The following CAST variants were observed in gnomAD, a reference collection of about 807,000 sequenced individuals.
CAST encodes calpastatin.
A neutral mutation model predicts 119.6 loss-of-function variants in CAST; 76 were observed. The observed-to-expected ratio is 0.64, with a 90% CI of 0.53 to 0.77. The LOEUF (loss-of-function observed/expected upper bound fraction) is 0.77. CAST is among the 30% of genes least tolerant of loss of function. The pLI is 0.00. For synonymous variants in CAST, 319 were observed against 331.6 expected (o/e 0.96, Z 0.41); for missense variants, 953 against 946.5 (o/e 1.01, Z -0.09).
intron 1 of CAST, among the ~76,000 whole-genome samples, chr5:96,538,738 C>CCA (rs1271772042): frequency 3.3e-5 from 5 of 151,694 alleles, no homozygotes; most frequent in Non-Finnish European, 5.9e-5. Flanking sequence ...TAAGACCCCC[C>CCA]CACACACACA....
At chr5:96,393,871 C>T in the CAST span, among the ~76,000 whole-genome samples, 1 of 152,176 alleles carries the variant, frequency 6.6e-6, no homozygotes, top group Non-Finnish European at 1.5e-5. Flanking sequence ...AGGGGAGAGA[C>T]TGAGGTGCTA....
At chr5:96,365,863 C>G in the CAST span, among the ~76,000 whole-genome samples, 1 of 152,174 alleles carries the variant, frequency 6.6e-6, no homozygotes, top group Non-Finnish European at 1.5e-5. Flanking sequence ...TTGATCCTGT[C>G]ATTATGATGT....
the CAST span, among the ~76,000 whole-genome samples, chr5:96,195,081 G>A: frequency 6.6e-6 from 1 of 152,228 alleles, no homozygotes; most frequent in Non-Finnish European, 1.5e-5. Flanking sequence ...TCCTTGTTAT[G>A]CCAGAGGGCA....
the CAST span, among the ~76,000 whole-genome samples, chr5:96,013,297 A>G: frequency 5.3e-5 from 8 of 151,586 alleles, no homozygotes; most frequent in African/African-American, 1.7e-4. Context: ...ATATATAATG[A>G]TAATATAGAG....
chr5:96,047,188 T>A, the CAST span, among the ~76,000 whole-genome samples: 1 of 152,204 alleles, frequency 6.6e-6, no homozygotes, highest in African/African-American at 2.4e-5. Context: ...AAAACAAATA[T>A]CTTGCAAGCT....
chr5:96,380,801 C>T, the CAST span, among the ~76,000 whole-genome samples: 31 of 152,246 alleles, frequency 2.0e-4, no homozygotes, highest in Non-Finnish European at 1.0e-4. Flanking sequence ...ATATTTGGAA[C>T]ATTTGCATAA....
the CAST span, among the ~76,000 whole-genome samples, chr5:96,235,492 TACA>T: frequency 6.6e-6 from 1 of 152,202 alleles, no homozygotes; most frequent in Non-Finnish European, 1.5e-5. Flanking sequence ...ATTTAGTTCT[TACA>T]ACATGTGAAT....
chr5:96,753,052 G>A (rs572667791), intron 20 of CAST, among the ~76,000 whole-genome samples: 2 of 150,986 alleles, frequency 1.3e-5, no homozygotes, highest in African/African-American at 2.4e-5. Context: ...GGACTGCAAT[G>A]GCATGATCTC....
chr5:96,279,816 A>C, the CAST span, among the ~76,000 whole-genome samples: 1 of 152,260 alleles, frequency 6.6e-6, no homozygotes, highest in East Asian at 1.9e-4. Flanking sequence ...GACATTTAGC[A>C]TGTGGTTTCA....
chr5:96,202,943 G>T, the CAST span, among the ~76,000 whole-genome samples: 12 of 151,776 alleles, frequency 7.9e-5, no homozygotes, highest in Non-Finnish European at 1.2e-4. Context: ...AATTTTTATT[G>T]ATTTTTCTTG....
chr5:96,702,995 T>G (rs1754167974), intron 3 of CAST: 1 of 948,456 alleles, frequency 1.1e-6, no homozygotes, highest in South Asian at 4.9e-5. Context: ...CTACCTGCCC[T>G]GCGTGTCCGG....
At chr5:96,680,778 A>AAT (rs1751314108) in intron 2 of CAST, among the ~76,000 whole-genome samples, 1 of 152,248 alleles carries the variant, frequency 6.6e-6, no homozygotes, top group Non-Finnish European at 1.5e-5. Context: ...AATTTGTGAC[A>AAT]GTGTTCCCAC....
the CAST span, among the ~76,000 whole-genome samples, chr5:96,137,212 A>T: frequency 1.3e-5 from 2 of 152,088 alleles, no homozygotes; most frequent in Non-Finnish European, 2.9e-5. Flanking sequence ...TGATCTTTTT[A>T]TCTTCTCACT....
the CAST span, among the ~76,000 whole-genome samples, chr5:96,363,170 C>T: frequency 1.0e-4 from 15 of 149,202 alleles, no homozygotes; most frequent in Non-Finnish European, 2.1e-4. Context: ...TTTCTGAGGG[C>T]TCTGTTCTGT....
At chr5:96,618,451 G>C (rs555650956) in intron 1 of CAST, among the ~76,000 whole-genome samples, 1 of 152,234 alleles carries the variant, frequency 6.6e-6, no homozygotes, top group African/African-American at 2.4e-5. Flanking sequence ...CACTGTGGGA[G>C]CCCCTCTCTG....
chr5:96,271,182 A>G, the CAST span, among the ~76,000 whole-genome samples: 1 of 152,212 alleles, frequency 6.6e-6, no homozygotes, highest in South Asian at 2.1e-4. Flanking sequence ...GCGAGAACTA[A>G]TATTGTTAAA....
the CAST span, among the ~76,000 whole-genome samples, chr5:96,086,753 C>T: frequency 2.6e-5 from 4 of 152,110 alleles, no homozygotes; most frequent in Admixed American, 6.5e-5. Context: ...AGGATAACCC[C>T]GGTGAATTAG....
At chr5:96,621,634 A>G (rs1426551135) in intron 1 of CAST, among the ~76,000 whole-genome samples, 2 of 152,160 alleles carry the variant, frequency 1.3e-5, no homozygotes, top group Non-Finnish European at 2.9e-5. Flanking sequence ...CCGTGAGCCA[A>G]TCACCTCCCA....
chr5:96,742,616 A>C, intron 15 of CAST, 39 bp from the exon 16 acceptor site: 2 of 1,231,768 alleles, frequency 1.6e-6, no homozygotes, highest in Non-Finnish European at 2.4e-6. Flanking sequence ...GGCTCCAGAG[A>C]TGTCTTTTTT....
Sources: allele counts gnomAD v4.1 joint callset (sites outside exome capture counted in the v4.1 genomes callset), GRCh38; gene constraint gnomAD v4.1.1; transcripts MANE v1.5; gene names NCBI Gene and HGNC (gene_info 2026-07-23, HGNC 2026-07-21).